The following SMC4 variants were observed in gnomAD, a reference collection of about 807,000 sequenced individuals.
SMC4 encodes structural maintenance of chromosomes 4.
SMC4 carries 87 observed loss-of-function variants against 145.6 expected under a neutral mutation model. That is an observed-to-expected ratio of 0.60 (90% CI 0.50 to 0.71). The LOEUF (loss-of-function observed/expected upper bound fraction) is 0.71. SMC4 is among the 30% of genes least tolerant of loss of function. The pLI, the probability that SMC4 is intolerant of heterozygous loss-of-function variation, is 0.00. For missense variants in SMC4, 1,447 were observed against 1,537.1 expected (o/e 0.94, Z 0.98); for synonymous variants, 558 against 500.7 (o/e 1.11, Z -1.53).
chr3:160,409,865 G>A (rs774613799), intron 5 of SMC4, among the ~76,000 whole-genome samples: 2 of 152,044 alleles, frequency 1.3e-5, no homozygotes, highest in African/African-American at 2.4e-5. Context: ...CCAGGAGTTC[G>A]AGACCAGCCT....
At chr3:160,410,057 C>T (rs953765948) in intron 5 of SMC4, among the ~76,000 whole-genome samples, 1 of 152,104 alleles carries the variant, frequency 6.6e-6, no homozygotes, top group African/African-American at 2.4e-5. Context: ...GCTTAGGTGA[C>T]AGAACAAGAC....
In SMC4 at chr3:160,404,330, A is replaced by C; in HGVS notation, c.513A>C (p.Glu171Asp). ...EVHFQKIIDK[E>D]GDDYEVIPNS... is the part of the protein sequence containing the mutation. ...GGTTTTGTTTTTCCTCAAAACAGGA[A>C]GGGGATGATTATGAAGTCATTCCTA... is the stretch of plus-strand genomic sequence containing the variant. The change falls in exon 5 of 24, where the codon GAA becomes GAC. Residue 171 changes from glutamate to aspartate, a missense_variant and splice_region_variant. Glu to Asp is a conservative substitution (Grantham distance 45). Transcript: ENST00000357388. 1 of 1,599,250 alleles carries C rather than the reference A, an allele frequency of 6.3e-7. No individual in the cohort carries two copies. Among genetic ancestry groups the C allele is most frequent in the African/African-American group, 1.4e-5 (1 of 74,024 alleles).
rs1716043956 is a variant in SMC4, at chr3:160,412,022, A to G, written c.790A>G (p.Asn264Asp). 1.2e-6 allele frequency: 2 copies of G among 1,613,706 alleles called. No homozygotes were observed. The highest frequency in any genetic ancestry group is 8.5e-7 in the Non-Finnish European group (1 of 1,179,788). ...LEDIIGCGRLNEPIKVLCRRV... is the reference protein window; with the variant it reads ...LEDIIGCGRLDEPIKVLCRRV... ...AGATATAATTGGTTGTGGACGGCTA[A>G]ATGAACCTATTAAAGTCTTGTGTCG... is the stretch of plus-strand genomic sequence containing the variant. The change falls in exon 6 of 24, where the codon AAT becomes GAT. Residue 264 changes from asparagine to aspartate, a missense_variant. Asn to Asp is a conservative substitution (Grantham distance 23). Transcript: ENST00000357388.
At position 160,426,105 on chromosome 3, in the gene SMC4, T is replaced by A. The variant is rs750500892; in HGVS notation, c.2510T>A (p.Val837Asp). Residue 837 changes from valine to aspartate, a missense_variant, in exon 17 of 24, where the codon GTC becomes GAC. By Grantham distance (152) the Val-to-Asp change is radical. Transcript: ENST00000357388. The part of the protein sequence containing the change: ...RLIEQEEYLN[V>D]QVKELEANVL... ...ATAGAGCAAGAAGAATATTTGAATGTCCAAGTTAAGGAACTTGAAGCTAAT... is the reference window on the plus strand; with the variant it reads ...ATAGAGCAAGAAGAATATTTGAATGACCAAGTTAAGGAACTTGAAGCTAAT... 10 of 1,606,596 alleles carry A rather than the reference T, an allele frequency of 6.2e-6. No homozygotes were observed. Among genetic ancestry groups the A allele is most frequent in the Middle Eastern group, 1.7e-4 (1 of 6,044 alleles).
chr3:160,432,539 A>G (rs1194240212), intron 22 of SMC4, 24 bp downstream of exon 22: 1 of 1,388,242 alleles, frequency 7.2e-7, no homozygotes, highest in Non-Finnish European at 9.9e-7. Flanking sequence ...CTGAGTTTAT[A>G]ATCCCACTGT....
In SMC4 at chr3:160,411,941, A is replaced by C; in HGVS notation, c.709A>C (p.Met237Leu). 1 of 1,613,212 alleles carries C rather than the reference A, an allele frequency of 6.2e-7. No homozygotes were observed. The highest frequency in any genetic ancestry group is 8.5e-7 in the Non-Finnish European group (1 of 1,179,564). Residue 237 changes from methionine (M) to leucine (L), a missense_variant, in exon 6 of 24, where the codon ATG becomes CTG. By Grantham distance (15) the Met-to-Leu change is conservative (BLOSUM62 2). Transcript: ENST00000357388. ...AAAGGGTGAAGTTGAACAAATTGCTATGATGAAACCAAAAGGCCAGACTGA... is the reference window on the plus strand; with the variant it reads ...AAAGGGTGAAGTTGAACAAATTGCTCTGATGAAACCAAAAGGCCAGACTGA... Reference protein sequence around the residue: ...ILQGEVEQIAMMKPKGQTEHD... With the variant: ...ILQGEVEQIALMKPKGQTEHD...
At position 160,434,687 on chromosome 3, in the gene SMC4, C is replaced by T. The variant is rs185666437; in HGVS notation, c.*878C>T. ...TGTCAGCGTATTTTTACACTATTGGCTCAAGAATGTTATAATGCTAAGGGA... is the reference window on the plus strand; with the variant it reads ...TGTCAGCGTATTTTTACACTATTGGTTCAAGAATGTTATAATGCTAAGGGA... On this transcript the variant is annotated 3_prime_UTR_variant, in exon 24 of 24. Coordinates refer to ENST00000357388, the MANE Select transcript of SMC4 (RefSeq NM_001002800.3). 1.6e-4 allele frequency: 24 copies of T among 152,250 alleles called. No individual in the cohort carries two copies. Among genetic ancestry groups the T allele is most frequent in the African/African-American group, 5.8e-4 (24 of 41,520 alleles). 9.4% of individuals were successfully genotyped at this position (152,250 alleles called of 1,614,324 possible). A position where few individuals can be genotyped will look rare whatever the true frequency, so the allele number is the denominator to read the frequency against.
chr3:160,399,898 C>T (rs563843120), intron 1 of SMC4, 149 bp downstream of exon 1: 5 of 152,532 alleles, frequency 3.3e-5, no homozygotes, highest in East Asian at 1.9e-4. Context: ...CACCCCTCCC[C>T]CCTCGGCCGC....
At position 160,430,730 on chromosome 3, in the gene SMC4, C is replaced by G; in HGVS notation, c.2927C>G (p.Thr976Arg). ...EDKAAEVVKN[T>R]NAAEESLPEI... ...AAAGCAGCAGAGGTCGTAAAGAATA[C>G]AAATGCTGCAGAGGTATGAGTTGCT... The change falls in exon 19 of 24, where the codon ACA becomes AGA. Residue 976 changes from threonine to arginine, a missense_variant. Physicochemically the swap from Thr to Arg is moderately conservative, Grantham distance 71. Coordinates refer to ENST00000357388, the MANE Select transcript of SMC4 (RefSeq NM_001002800.3). The G allele has an allele frequency of 6.2e-7, 1 of 1,611,018 alleles. No individual in the cohort carries two copies. The highest frequency in any genetic ancestry group is 1.1e-5 in the South Asian group (1 of 90,482).
At chr3:160,401,343 A>C (rs1714623940) in intron 2 of SMC4, among the ~76,000 whole-genome samples, 1 of 152,090 alleles carries the variant, frequency 6.6e-6, no homozygotes, top group African/African-American at 2.4e-5. Context: ...TGTGAGCATG[A>C]TGAAAAGTTT....
rs746839606 is a variant in SMC4 at position 160,424,858 on chromosome 3, T to A, written c.2326-9T>A. On this transcript the variant is annotated splice_polypyrimidine_tract_variant and intron_variant, in intron 15 of 23. Coordinates refer to ENST00000357388, the MANE Select transcript of SMC4 (RefSeq NM_001002800.3). ...CTGAAATGGCTCTTAGAGAAAACTT[T>A]CTTTGTAGGTAAACAAAATGGAATC... 6.2e-7 allele frequency: 1 copy of A among 1,613,096 alleles called. No homozygotes were observed. The highest frequency in any genetic ancestry group is 8.5e-7 in the Non-Finnish European group (1 of 1,179,810).
Position 160,431,760 on chromosome 3 carries a change from C to T in SMC4, c.3232C>T (p.Leu1078Phe). 6.2e-7 allele frequency: 1 copy of T among 1,613,824 alleles called. No homozygotes were observed. The highest frequency in any genetic ancestry group is 8.5e-7 in the Non-Finnish European group (1 of 1,179,938). Reference protein sequence around the residue: ...NPDSITNQIALLEARCHEMKP... With the variant: ...NPDSITNQIAFLEARCHEMKP... Reference sequence around the variant, plus strand: ...AGATTCTATAACAAATCAAATTGCACTTTTGGAAGCCCGGTGTCATGAAAT... The same window carrying T: ...AGATTCTATAACAAATCAAATTGCATTTTTGGAAGCCCGGTGTCATGAAAT... Residue 1078 changes from leucine to phenylalanine, a missense_variant, in exon 21 of 24, where the codon CTT (leucine) becomes TTT (phenylalanine). Coordinates refer to ENST00000357388, the MANE Select transcript of SMC4 (RefSeq NM_001002800.3).
At chr3:160,400,734 AGCCGGTG>A in intron 1 of SMC4, 81 bp from the exon 2 acceptor site, 1 of 1,376,988 alleles carries the variant, frequency 7.3e-7, no homozygotes, top group South Asian at 1.6e-5. Context: ...GGCTCTCGGA[AGCCGGTG>A]GACCGAGATT....
intron 12 of SMC4, among the ~76,000 whole-genome samples, chr3:160,420,311 T>C (rs1289067434): frequency 2.0e-5 from 3 of 152,230 alleles, no homozygotes; most frequent in Non-Finnish European, 2.9e-5. Context: ...GACTTCCACC[T>C]TATTTTCTTA....
Position 160,400,977 on chromosome 3 carries a change from G to A in SMC4, c.139+12G>A. On this transcript the variant is annotated intron_variant, in intron 2 of 23. Coordinates refer to ENST00000357388, the MANE Select transcript of SMC4 (RefSeq NM_001002800.3). Reference sequence around the variant, plus strand: ...AGCCACCGCCGCAGGTGAGTGACCCGCCGCGACTCGGCGGGAACGCGCGCT... The same window carrying A: ...AGCCACCGCCGCAGGTGAGTGACCCACCGCGACTCGGCGGGAACGCGCGCT... The A allele has an allele frequency of 1.4e-6, 2 of 1,386,494 alleles. No homozygotes were observed. The highest frequency in any genetic ancestry group is 3.0e-5 in the East Asian group (1 of 33,084). 85.9% of individuals were successfully genotyped at this position (1,386,494 alleles called of 1,614,324 possible).
At chr3:160,403,838 T>C (rs1167528664) in intron 4 of SMC4, among the ~76,000 whole-genome samples, 4 of 152,130 alleles carry the variant, frequency 2.6e-5, no homozygotes, top group Non-Finnish European at 4.4e-5. Context: ...TTAGTTGTTA[T>C]TTCTTTGTGA....
At chr3:160,409,674 A>C (rs1314018892) in intron 5 of SMC4, among the ~76,000 whole-genome samples, 2 of 152,166 alleles carry the variant, frequency 1.3e-5, no homozygotes, top group South Asian at 4.1e-4. Context: ...TCATTTTCTT[A>C]AAATAAGTGT....
At chr3:160,404,910 C>T (rs143326955) in intron 5 of SMC4, 80 of 356,522 alleles carry the variant, frequency 2.2e-4, no homozygotes, top group African/African-American at 1.5e-3. Context: ...TTTAATCTAT[C>T]CTTTTCCTTT....
Position 160,414,588 on chromosome 3 carries a change from C to T in SMC4, c.1272+71C>T, listed in dbSNP as rs1250710442. ...TACCTAGTTTTCATGGATGTGTTTG[C>T]CCCTTATTGCCTAAGAGAATGAATT... On this transcript the variant is annotated intron_variant, in intron 9 of 23. Transcript: ENST00000357388. The T allele has an allele frequency of 3.0e-6, 4 of 1,327,522 alleles. No individual in the cohort carries two copies. The African/African-American group carries it at 4.4e-5, about 15-fold the overall frequency. 82.2% of individuals were successfully genotyped at this position (1,327,522 alleles called of 1,614,324 possible). A position where few individuals can be genotyped will look rare whatever the true frequency, so the allele number is the denominator to read the frequency against.
Sources: gnomAD v4.1 joint callset for allele counts (sites outside exome capture counted in the v4.1 genomes callset) on GRCh38, gnomAD v4.1.1 for gene constraint, MANE v1.5 for transcripts, NCBI Gene and HGNC (gene_info 2026-07-23, HGNC 2026-07-21) for gene names.